ZBTB10: variants seen among roughly 807,000 people sequenced by gnomAD.
ZBTB10 encodes zinc finger and BTB domain-containing protein 10.
Under a neutral mutation model 76.4 loss-of-function variants are expected in ZBTB10, and 32 were observed. The observed-to-expected ratio is 0.42, with a 90% CI of 0.32 to 0.56. The LOEUF (loss-of-function observed/expected upper bound fraction) is 0.56. ZBTB10 is among the 20% of genes least tolerant of loss of function. ZBTB10 has a pLI of 0.14. For synonymous variants in ZBTB10, 523 were observed against 432.9 expected (o/e 1.21, Z -2.58); for missense variants, 1,057 against 1,098.5 (o/e 0.96, Z 0.53).
intron 1 of ZBTB10, among the ~76,000 whole-genome samples, chr8:80,492,478 T>C (rs1390752690): frequency 6.6e-6 from 1 of 151,954 alleles, no homozygotes; most frequent in African/African-American, 2.4e-5. Flanking sequence ...CAGGGTACAT[T>C]GAAGAATTTT....
At chr8:80,509,667 A>G (rs1816142234) in intron 2 of ZBTB10, among the ~76,000 whole-genome samples, 1 of 152,136 alleles carries the variant, frequency 6.6e-6, no homozygotes, top group Non-Finnish European at 1.5e-5. Context: ...TCATTTACTA[A>G]TATCATTGGT....
At chr8:80,517,093 A>G (rs1816342737) in intron 3 of ZBTB10, among the ~76,000 whole-genome samples, 1 of 152,206 alleles carries the variant, frequency 6.6e-6, no homozygotes, top group African/African-American at 2.4e-5. Flanking sequence ...TCCACCGGGT[A>G]AAGCTTTGGA....
At position 80,513,968 on chromosome 8, in the gene ZBTB10, A is replaced by G. The variant is rs1005391657; in HGVS notation, c.1920A>G (p.Leu640=). 12 of 1,613,664 alleles carry G rather than the reference A, an allele frequency of 7.4e-6. No individual in the cohort carries two copies. The highest frequency in any genetic ancestry group is 9.3e-6 in the Non-Finnish European group (11 of 1,179,676). ...PDGDRNVNAN[L]LAEAGTSQDG... ...GTGATAGGAATGTGAATGCAAATTTATTGGCTGAAGCTGGCACTAGTCAAG... is the reference window on the plus strand; with the variant it reads ...GTGATAGGAATGTGAATGCAAATTTGTTGGCTGAAGCTGGCACTAGTCAAG... The change falls in exon 3 of 6, where the codon TTA becomes TTG. Residue 640 remains leucine, a synonymous_variant. Coordinates refer to ENST00000455036, the MANE Select transcript of ZBTB10 (RefSeq NM_001105539.3).
Position 80,486,863 on chromosome 8 carries a change from T to G in ZBTB10, c.53T>G (p.Leu18Trp). Residue 18 changes from leucine (L) to tryptophan (W), a missense_variant, in exon 1 of 6, where the codon TTG (leucine) becomes TGG (tryptophan). Physicochemically the swap from Leu to Trp is moderately conservative, Grantham distance 61. Coordinates refer to ENST00000455036, the MANE Select transcript of ZBTB10 (RefSeq NM_001105539.3). ...ACGCTGGCGTTCCGAGGAGGCGGGT[T>G]GGTCACCGCTAGCGGCGGCGGCTCC... ...RRTLAFRGGG[L>W]VTASGGGSTN... The G allele has an allele frequency of 2.0e-6, 3 of 1,508,680 alleles. No individual in the cohort carries two copies. In the African/African-American group the frequency reaches 4.4e-5, roughly 22 times the overall value. The allele number at this position is 1,508,680 out of a possible 1,614,324, so 93.5% of individuals were successfully genotyped here.
intron 2 of ZBTB10, among the ~76,000 whole-genome samples, chr8:80,506,932 G>A (rs1459232928): frequency 1.3e-5 from 2 of 151,078 alleles, no homozygotes; most frequent in East Asian, 3.9e-4. Flanking sequence ...AGCAACTTGG[G>A]GGGGTTCTAA....
chr8:80,514,480 G>C (rs950048469), intron 3 of ZBTB10, among the ~76,000 whole-genome samples: 22 of 152,268 alleles, frequency 1.4e-4, no homozygotes, highest in African/African-American at 4.8e-4. Context: ...TAGAGTAAAA[G>C]AAAGTCATTC....
At chr8:80,504,747 G>T (rs1247106955) in intron 2 of ZBTB10, among the ~76,000 whole-genome samples, 6 of 152,300 alleles carry the variant, frequency 3.9e-5, no homozygotes, top group African/African-American at 1.4e-4. Flanking sequence ...TGAGTGAATT[G>T]CTCTGATAAT....
At chr8:80,515,289 ATTGT>A (rs1004981909) in intron 3 of ZBTB10, among the ~76,000 whole-genome samples, 1 of 152,188 alleles carries the variant, frequency 6.6e-6, no homozygotes, top group African/African-American at 2.4e-5. Context: ...ATGTTTATTG[ATTGT>A]TTCAATTTTA....
intron 2 of ZBTB10, among the ~76,000 whole-genome samples, chr8:80,513,584 T>C (rs1278353917): frequency 6.6e-6 from 1 of 152,234 alleles, no homozygotes; most frequent in Non-Finnish European, 1.5e-5. Flanking sequence ...TGGCTTGTTA[T>C]ATTATCCAAT....
chr8:80,488,771 G>A (rs973755269), intron 1 of ZBTB10, among the ~76,000 whole-genome samples: 1 of 152,202 alleles, frequency 6.6e-6, no homozygotes, highest in African/African-American at 2.4e-5. Flanking sequence ...GCAACCTGTG[G>A]TGGTGGATGG....
At position 80,486,930 on chromosome 8, in the gene ZBTB10, G is replaced by A; in HGVS notation, c.120G>A (p.Pro40=). 6.6e-7 allele frequency: 1 copy of A among 1,508,032 alleles called. No individual in the cohort carries two copies. Among genetic ancestry groups the A allele is most frequent in the South Asian group, 1.2e-5 (1 of 80,752 alleles). The allele number at this position is 1,508,032 out of a possible 1,614,324, so 93.4% of individuals were successfully genotyped here. A position where few individuals can be genotyped will look rare whatever the true frequency, so the allele number is the denominator to read the frequency against. ...GCGGGGAGGCCTCAGCTTGGCCTCC[G>A]CAGCCCCAGCCGAGACAGCCCCCGC... ...NAGGEASAWP[P]QPQPRQPPPP... is the part of the protein sequence containing the mutation. The change falls in exon 1 of 6, where the codon CCG becomes CCA. Residue 40 remains proline (P), a synonymous_variant. Coordinates refer to ENST00000455036, the MANE Select transcript of ZBTB10 (RefSeq NM_001105539.3).
At chr8:80,505,637 G>A (rs1816030139) in intron 2 of ZBTB10, among the ~76,000 whole-genome samples, 1 of 152,076 alleles carries the variant, frequency 6.6e-6, no homozygotes, top group Non-Finnish European at 1.5e-5. Flanking sequence ...GCACTTATTT[G>A]TGTAATTGCT....
At position 80,520,967 on chromosome 8, in the gene ZBTB10, T is replaced by A. The variant is rs939258931; in HGVS notation, c.*1439T>A. ...TTGAGGGATGTCATATTTTCAGCTT[T>A]CTTTTAAATAAAAATTGAGTATATT... On this transcript the variant is annotated 3_prime_UTR_variant, in exon 6 of 6. Coordinates refer to ENST00000455036, the MANE Select transcript of ZBTB10 (RefSeq NM_001105539.3). 6.6e-6 allele frequency: 1 copy of A among 152,002 alleles called. No individual in the cohort carries two copies. Among genetic ancestry groups the A allele is most frequent in the Non-Finnish European group, 1.5e-5 (1 of 67,852 alleles). The allele number at this position is 152,002 out of a possible 1,614,324, so 9.4% of individuals were successfully genotyped here.
At chr8:80,500,405 T>C (rs565884564) in intron 2 of ZBTB10, 23 bp downstream of exon 2, 114 of 1,485,758 alleles carry the variant, frequency 7.7e-5, no homozygotes, top group Non-Finnish European at 8.3e-5. Context: ...TATACAAGGA[T>C]ACTTCCTTGT....
intron 1 of ZBTB10, among the ~76,000 whole-genome samples, chr8:80,491,268 A>G (rs1186685108): frequency 6.6e-6 from 1 of 152,174 alleles, no homozygotes; most frequent in East Asian, 1.9e-4. Flanking sequence ...TGCCTAAAGT[A>G]TTCCTTACAG....
chr8:80,500,429 A>G (rs1254435978), intron 2 of ZBTB10, 47 bp downstream of exon 2: 3 of 1,426,012 alleles, frequency 2.1e-6, no homozygotes, highest in Non-Finnish European at 2.8e-6. Flanking sequence ...TCCTAATTCT[A>G]GTTGGATATA....
intron 5 of ZBTB10, 44 bp from the exon 6 acceptor site, chr8:80,519,179 T>G: frequency 6.4e-7 from 1 of 1,557,734 alleles, no homozygotes; most frequent in South Asian, 1.2e-5. Context: ...TGCATTCTAT[T>G]ATATATAATA....
At position 80,526,055 on chromosome 8, in the gene ZBTB10, T is replaced by C. The variant is rs1816554966; in HGVS notation, c.*6527T>C. ...GAAATCTCAATGCAAAAGTAGCCTT[T>C]GTGATTTTTTTTTTAAACCGTCTCC... is the stretch of plus-strand genomic sequence containing the variant. On this transcript the variant is annotated 3_prime_UTR_variant, in exon 6 of 6. Transcript: ENST00000455036. 1.3e-5 allele frequency: 2 copies of C among 152,126 alleles called. No homozygotes were observed. Among genetic ancestry groups the C allele is most frequent in the Non-Finnish European group, 2.9e-5 (2 of 68,014 alleles). The allele number at this position is 152,126 out of a possible 1,614,324, so 9.4% of individuals were successfully genotyped here.
At chr8:80,489,509 A>T (rs181254199) in intron 1 of ZBTB10, among the ~76,000 whole-genome samples, 9 of 152,104 alleles carry the variant, frequency 5.9e-5, no homozygotes, top group African/African-American at 1.9e-4. Flanking sequence ...CTTTATCAGC[A>T]TAGTCTCTCC....
Sources: allele counts gnomAD v4.1 joint callset (sites outside exome capture counted in the v4.1 genomes callset), GRCh38; gene constraint gnomAD v4.1.1; transcripts MANE v1.5; gene names NCBI Gene and HGNC (gene_info 2026-07-23, HGNC 2026-07-21).